TPR: variants seen among roughly 807,000 people sequenced by gnomAD.
TPR encodes translocated promoter region, nuclear basket protein.
TPR carries 51 observed loss-of-function variants against 316.1 expected under a neutral mutation model. The observed-to-expected ratio is 0.16, with a 90% confidence interval of 0.13 to 0.20. The LOEUF is 0.20. TPR is among the 10% of genes least tolerant of loss of function. The probability of loss-of-function intolerance (pLI) is 1.00; values close to 1 mark genes in which losing one functional copy is unlikely to be tolerated. For synonymous variants in TPR, 981 were observed against 914.7 expected (o/e 1.07, Z -1.31); for missense variants, 2,272 against 2,754.8 (o/e 0.82, Z 3.92).
At position 186,358,641 on chromosome 1, in the gene TPR, G is replaced by T. The variant is rs114751429; in HGVS notation, c.1399C>A (p.Arg467=). Residue 467 remains arginine (R), a synonymous_variant, in exon 13 of 51, where the codon CGA becomes AGA. Transcript: ENST00000367478. ...KLEQAMKEIQ[R]LQEDTDKANK... ...GCTTTATCAGTGTCCTCCTGCAATC[G>T]CTGAATCTCCTTTAAAATGTAAATT... 7.5e-3 allele frequency: 12,036 copies of T among 1,610,174 alleles called. 65 individuals carry two copies. Among genetic ancestry groups the T allele is most frequent in the Non-Finnish European group, 9.3e-3 (10,920 of 1,178,356 alleles).
chr1:186,324,004 G>T, intron 42 of TPR, 134 bp from the exon 43 acceptor site: 1 of 891,320 alleles, frequency 1.1e-6, no homozygotes, highest in Non-Finnish European at 1.6e-6. Context: ...GTAGTGAGGT[G>T]TGATGGAAGC....
Position 186,312,007 on chromosome 1 carries a change from T to C in TPR, c.*1964A>G, listed in dbSNP as rs1022392118. 3.3e-6 allele frequency: 2 copies of C among 603,162 alleles called. No homozygotes were observed. The highest frequency in any genetic ancestry group is 5.7e-6 in the Non-Finnish European group (2 of 348,782). The allele number at this position is 603,162 out of a possible 1,614,324, so 37.4% of individuals were successfully genotyped here. On this transcript the variant is annotated 3_prime_UTR_variant, in exon 51 of 51. Coordinates refer to ENST00000367478, the MANE Select transcript of TPR (RefSeq NM_003292.3). ...TCATTCAACAAGTATTTCAGTTTAA[T>C]AATTATTTTTATAATACCCTTGACT...
chr1:186,330,723 A>G (rs1431735743), intron 39 of TPR, among the ~76,000 whole-genome samples: 2 of 152,082 alleles, frequency 1.3e-5, no homozygotes, highest in Non-Finnish European at 2.9e-5. Context: ...TTTCTTCCTC[A>G]TGAGCAAAAT....
At position 186,313,208 on chromosome 1, in the gene TPR, TATA is replaced by T. The variant is rs1210027079; in HGVS notation, c.*760_*762del. The T allele has an allele frequency of 2.4e-6, 1 of 419,294 alleles. No homozygotes were observed. Among genetic ancestry groups the T allele is most frequent in the Non-Finnish European group, 4.4e-6 (1 of 225,584 alleles). 26.0% of individuals were successfully genotyped at this position (419,294 alleles called of 1,614,324 possible). ...ACAGATACCTTGTTTGGCACAAGGT[TATA>T]ATGATTTGCATCACTGCAGAGTCTG... On this transcript the variant is annotated 3_prime_UTR_variant, in exon 51 of 51. Transcript: ENST00000367478.
At chr1:186,351,297 C>G (rs535385400) in intron 20 of TPR, 33 bp downstream of exon 20, 2 of 1,575,856 alleles carry the variant, frequency 1.3e-6, no homozygotes, top group African/African-American at 1.4e-5. Context: ...AACATAAACA[C>G]CCTACAGAAA....
At chr1:186,364,784 A>C (rs1181154085) in intron 4 of TPR, among the ~76,000 whole-genome samples, 2 of 152,222 alleles carry the variant, frequency 1.3e-5, no homozygotes, top group African/African-American at 4.8e-5. Flanking sequence ...ATGCAGATAG[A>C]AGTGTACTAT....
chr1:186,339,361 A>C (rs998558969), intron 30 of TPR, among the ~76,000 whole-genome samples: 2 of 149,712 alleles, frequency 1.3e-5, no homozygotes, highest in African/African-American at 4.9e-5. Flanking sequence ...CCTCCTTGTA[A>C]GTTTTTGATA....
intron 35 of TPR, among the ~76,000 whole-genome samples, chr1:186,334,855 G>A (rs147572602): frequency 1.2e-4 from 19 of 152,174 alleles, no homozygotes; most frequent in African/African-American, 4.6e-4. Flanking sequence ...GATGAGAGAC[G>A]TTTTCTCTGT....
Position 186,312,367 on chromosome 1 carries a change from A to G in TPR, c.*1604T>C. ...TCACCTGCCAGACTGGCTTATCAAG[A>G]CAAAGGTAACATTTTTATTGTGTTA... On this transcript the variant is annotated 3_prime_UTR_variant, in exon 51 of 51. Coordinates refer to ENST00000367478, the MANE Select transcript of TPR (RefSeq NM_003292.3). The G allele has an allele frequency of 6.2e-7, 1 of 1,605,252 alleles. No homozygotes were observed. Among genetic ancestry groups the G allele is most frequent in the Non-Finnish European group, 8.5e-7 (1 of 1,176,950 alleles).
chr1:186,345,688 T>C lies in TPR; in HGVS notation c.3105A>G (p.Glu1035=), dbSNP rs773642366. The change falls in exon 24 of 51, where the codon GAA becomes GAG. Residue 1035 remains glutamate, a synonymous_variant. Transcript: ENST00000367478. The stretch of plus-strand genomic sequence containing the variant: ...GAACACTAGAAAGTGTTTTCTTCAA[T>C]TCAGATAACTAAGCAGAAAGAACAA... ...AIESMEQQLS[E]LKKTLSSVQN... 2 of 1,606,162 alleles carry C rather than the reference T, an allele frequency of 1.2e-6. No individual in the cohort carries two copies. Among genetic ancestry groups the C allele is most frequent in the South Asian group, 2.2e-5 (2 of 90,342 alleles).
At chr1:186,329,837 T>C (rs1658106327) in intron 39 of TPR, among the ~76,000 whole-genome samples, 1 of 152,138 alleles carries the variant, frequency 6.6e-6, no homozygotes, top group African/African-American at 2.4e-5. Context: ...TTTTACATGA[T>C]AAAATAATTA....
chr1:186,357,646 T>C lies in TPR; in HGVS notation c.1498-23A>G, dbSNP rs748888297. Reference sequence around the variant, plus strand: ...AATCTAAAAACAAAGTTTTAATATGTTATAAAATAGTATTAGTTACAATTC... The same window carrying C: ...AATCTAAAAACAAAGTTTTAATATGCTATAAAATAGTATTAGTTACAATTC... On this transcript the variant is annotated intron_variant, in intron 13 of 50. Coordinates refer to ENST00000367478, the MANE Select transcript of TPR (RefSeq NM_003292.3). 6.9e-6 allele frequency: 11 copies of C among 1,591,744 alleles called. No homozygotes were observed. The Admixed American group carries it at 1.7e-4, about 25-fold the overall frequency.
chr1:186,316,106 A>C (rs1044579244), intron 49 of TPR, among the ~76,000 whole-genome samples: 15 of 151,922 alleles, frequency 9.9e-5, no homozygotes, highest in Admixed American at 9.2e-4. Flanking sequence ...TTTCTCATAC[A>C]AGCTCTGATA....
At chr1:186,325,661 T>C in intron 42 of TPR, 103 bp downstream of exon 42, 1 of 933,624 alleles carries the variant, frequency 1.1e-6, no homozygotes, top group Non-Finnish European at 1.6e-6. Context: ...CCAATCTCTT[T>C]TTACCAATTC....
intron 4 of TPR, among the ~76,000 whole-genome samples, chr1:186,363,738 G>A (rs569551007): frequency 6.6e-6 from 1 of 152,110 alleles, no homozygotes; most frequent in South Asian, 2.1e-4. Flanking sequence ...TGCATAATAT[G>A]TACTAATATG....
At chr1:186,350,150 C>G (rs3766701) in intron 21 of TPR, 73 bp downstream of exon 21, 3 of 1,313,216 alleles carry the variant, frequency 2.3e-6, no homozygotes, top group South Asian at 1.7e-5. Context: ...AGGCTATTTA[C>G]TGACAGGATA....
intron 50 of TPR, chr1:186,314,339 A>T (rs981262928): frequency 2.6e-6 from 1 of 386,934 alleles, no homozygotes; most frequent in South Asian, 4.4e-5. Flanking sequence ...TAGAGATACA[A>T]CAAATGAATA....
At chr1:186,323,166 C>T (rs1028764519) in intron 43 of TPR, among the ~76,000 whole-genome samples, 5 of 152,000 alleles carry the variant, frequency 3.3e-5, no homozygotes, top group Non-Finnish European at 5.9e-5. Flanking sequence ...ACTCTTTTTC[C>T]AAGTGCTTCT....
chr1:186,350,021 C>G (rs1388802928), intron 21 of TPR, among the ~76,000 whole-genome samples: 1 of 152,096 alleles, frequency 6.6e-6, no homozygotes, highest in Admixed American at 6.5e-5. Context: ...CTGAACTATT[C>G]TGAATCTTTT....
Sources: allele counts gnomAD v4.1 joint callset (sites outside exome capture counted in the v4.1 genomes callset), GRCh38; gene constraint gnomAD v4.1.1; transcripts MANE v1.5; gene names NCBI Gene and HGNC (gene_info 2026-07-23, HGNC 2026-07-21).